Variants in SARAF observed in about 807,000 individuals in gnomAD.
The protein encoded by SARAF is store-operated calcium entry associated regulatory factor, also known as store-operated calcium entry-associated regulatory factor.
A neutral mutation model predicts 39.7 loss-of-function variants in SARAF; 23 were observed. The ratio of observed to expected loss-of-function variants is 0.58; its 90% CI spans 0.42 to 0.82. The LOEUF (loss-of-function observed/expected upper bound fraction) is 0.82. Among genes scored for constraint, SARAF ranks in the 40% least tolerant of loss-of-function variants. The pLI, the probability that SARAF is intolerant of heterozygous loss-of-function variation, is 0.00. For synonymous variants in SARAF, 175 were observed against 168.5 expected (o/e 1.04, Z -0.30); for missense variants, 384 against 418.5 (o/e 0.92, Z 0.72).
chr8:30,069,653 G>C lies in SARAF; in HGVS notation c.689C>G (p.Ser230Cys), dbSNP rs1407559447. 2 of 1,614,028 alleles carry C rather than the reference G, an allele frequency of 1.2e-6. No individual in the cohort carries two copies. Residue 230 changes from serine (S) to cysteine (C), a missense_variant, in exon 3 of 6, where the codon TCT (serine) becomes TGT (cysteine). Physicochemically the swap from Ser to Cys is moderately radical, Grantham distance 112 (BLOSUM62 -1). Transcript: ENST00000256255. ...CGAGGGAAACATACCTGTGAACTCA[G>C]ACTTAAAGCCTGGGGGAGGAGGTCC... ...SAGPPPPGFK[S>C]EFTGPQNTGH...
Position 30,069,228 on chromosome 8 carries a change from C to T in SARAF, c.700+414G>A, listed in dbSNP as rs1801771119. On this transcript the variant is annotated intron_variant, in intron 3 of 5. Coordinates refer to ENST00000256255, the MANE Select transcript of SARAF (RefSeq NM_016127.6). The stretch of plus-strand genomic sequence containing the variant: ...AATCTCGGCTCACCGCAACCTCCAC[C>T]TCCCGGGTTCAAGTGATTCTCATGC... Among the ~76,000 whole-genome samples, 3 of 150,444 alleles carry T rather than the reference C, an allele frequency of 2.0e-5. No individual in the cohort carries two copies. In the Admixed American group the frequency reaches 2.0e-4, roughly 10 times the overall value.
chr8:30,064,561 A>ATATATATATTTTTTTTT (rs1423689069), intron 5 of SARAF, among the ~76,000 whole-genome samples: 4 of 46,232 alleles, frequency 8.7e-5, no homozygotes, highest in East Asian at 1.0e-3. Flanking sequence ...ATATATATAT[A>ATATATATATTTTTTTTT]TTTTTTTTTT....
intron 1 of SARAF, chr8:30,082,554 G>T (rs1309940707): frequency 3.0e-6 from 1 of 334,606 alleles, no homozygotes; most frequent in Non-Finnish European, 5.5e-6. Context: ...TATACTCAGA[G>T]ATGAGAAAGA....
intron 1 of SARAF, among the ~76,000 whole-genome samples, chr8:30,080,837 C>A (rs1252231764): frequency 6.6e-6 from 1 of 152,180 alleles, no homozygotes; most frequent in African/African-American, 2.4e-5. Flanking sequence ...AAAGTATCTT[C>A]ATTTAAAAAG....
In SARAF at chr8:30,082,970, C is replaced by G; in HGVS notation, c.-21G>C. 6.5e-7 allele frequency: 1 copy of G among 1,533,274 alleles called. No homozygotes were observed. Among genetic ancestry groups the G allele is most frequent in the Non-Finnish European group, 8.8e-7 (1 of 1,138,566 alleles). The allele number at this position is 1,533,274 out of a possible 1,614,324, so 95.0% of individuals were successfully genotyped here. A position where few individuals can be genotyped will look rare whatever the true frequency, so the allele number is the denominator to read the frequency against. ...GCCATGGCGCTCGATGAAGATGGCGCCGGGCTGCCAGACGCCTACGGGCCG... is the reference window on the plus strand; with the variant it reads ...GCCATGGCGCTCGATGAAGATGGCGGCGGGCTGCCAGACGCCTACGGGCCG... On this transcript the variant is annotated 5_prime_UTR_variant, in exon 1 of 6. Transcript: ENST00000256255.
chr8:30,065,438 T>C (rs1801662121), intron 5 of SARAF, among the ~76,000 whole-genome samples: 1 of 152,222 alleles, frequency 6.6e-6, no homozygotes, highest in Non-Finnish European at 1.5e-5. Flanking sequence ...ATCATTGTTC[T>C]ATAACTTCCT....
chr8:30,073,718 G>T, intron 2 of SARAF, 159 bp downstream of exon 2: 1 of 558,766 alleles, frequency 1.8e-6, no homozygotes, highest in Non-Finnish European at 3.1e-6. Flanking sequence ...TTCTTTTGGA[G>T]GCCATTTCTT....
intron 5 of SARAF, 45 bp downstream of exon 5, chr8:30,065,943 G>C (rs1371146388): frequency 1.9e-6 from 3 of 1,571,104 alleles, no homozygotes; most frequent in Admixed American, 1.7e-5. Context: ...AACTATTTCT[G>C]TACTTTACTC....
At chr8:30,065,649 A>T in intron 5 of SARAF, 1 of 224,448 alleles carries the variant, frequency 4.5e-6, no homozygotes, top group African/African-American at 2.3e-5. Context: ...TCTTTTTTGA[A>T]TGTTATTGAA....
chr8:30,066,452 T>C (rs1277775632), intron 4 of SARAF, among the ~76,000 whole-genome samples: 1 of 152,198 alleles, frequency 6.6e-6, no homozygotes, highest in Non-Finnish European at 1.5e-5. Context: ...GCCTTATTTT[T>C]ATCATTCTCC....
chr8:30,079,336 C>T (rs1802049653), intron 1 of SARAF, among the ~76,000 whole-genome samples: 1 of 152,100 alleles, frequency 6.6e-6, no homozygotes, highest in Non-Finnish European at 1.5e-5. Flanking sequence ...ATAAATAGCA[C>T]TGGCATAATT....
chr8:30,067,721 C>A (rs1340827597), intron 3 of SARAF, among the ~76,000 whole-genome samples: 1 of 152,142 alleles, frequency 6.6e-6, no homozygotes, highest in Admixed American at 6.5e-5. Context: ...TTTCTTAACT[C>A]ATGTGTCTTC....
chr8:30,069,521 C>G (rs1053879561), intron 3 of SARAF, 121 bp downstream of exon 3: 5 of 1,072,210 alleles, frequency 4.7e-6, no homozygotes, highest in African/African-American at 1.6e-5. Context: ...AAGTAAAAAA[C>G]AAAATGAGAA....
intron 2 of SARAF, 71 bp from the exon 3 acceptor site, chr8:30,070,130 C>G: frequency 7.1e-7 from 1 of 1,406,248 alleles, no homozygotes; most frequent in Non-Finnish European, 9.6e-7. Context: ...TACTTGGGGG[C>G]CGGGCGCAGT....
Position 30,066,093 on chromosome 8 carries a change from G to A in SARAF, c.889C>T (p.Pro297Ser). The A allele has an allele frequency of 6.2e-7, 1 of 1,614,198 alleles. No homozygotes were observed. The highest frequency in any genetic ancestry group is 1.1e-5 in the South Asian group (1 of 91,080). The change falls in exon 5 of 6, where the codon CCC (proline) becomes TCC (serine). Residue 297 changes from proline (P) to serine (S), a missense_variant. Physicochemically the swap from Pro to Ser is moderately conservative, Grantham distance 74. Transcript: ENST00000256255. ...SDSWYYPSYP[P>S]SYPGTWNRAY... ...CTATTCCACGTGCCAGGGTAGGAGG[G>A]AGGATAGGACGGGTAGTACCACGAG...
chr8:30,067,914 T>C (rs1211538453), intron 3 of SARAF, among the ~76,000 whole-genome samples: 1 of 152,224 alleles, frequency 6.6e-6, no homozygotes, highest in Non-Finnish European at 1.5e-5. Flanking sequence ...TGGGTTGTTT[T>C]ACCATTTAAA....
intron 2 of SARAF, among the ~76,000 whole-genome samples, chr8:30,072,504 A>T (rs2117432575): frequency 6.6e-6 from 1 of 152,302 alleles, no homozygotes; most frequent in Non-Finnish European, 1.5e-5. Context: ...TTGGAGGAAG[A>T]TTCATAGGTT....
chr8:30,078,831 A>G (rs1332050732), intron 1 of SARAF, among the ~76,000 whole-genome samples: 1 of 152,174 alleles, frequency 6.6e-6, no homozygotes, highest in Admixed American at 6.5e-5. Context: ...AAAAGAACAC[A>G]TAGGTTACCA....
At chr8:30,077,631 G>A (rs1265574677) in intron 1 of SARAF, among the ~76,000 whole-genome samples, 2 of 151,600 alleles carry the variant, frequency 1.3e-5, no homozygotes, top group African/African-American at 4.9e-5. Context: ...GTGAAACCCC[G>A]GCTCTACTAA....
Sources: allele counts gnomAD v4.1 joint callset (sites outside exome capture counted in the v4.1 genomes callset), GRCh38; gene constraint gnomAD v4.1.1; transcripts MANE v1.5; gene names NCBI Gene and HGNC (gene_info 2026-07-23, HGNC 2026-07-21).